The following TPM1 variants were observed in gnomAD, a reference collection of about 807,000 sequenced individuals.
TPM1 encodes the protein tropomyosin alpha-1 chain.
A neutral mutation model predicts 42.9 loss-of-function variants in TPM1; 24 were observed. The observed-to-expected ratio is 0.56, with a 90% CI of 0.41 to 0.79. The LOEUF (loss-of-function observed/expected upper bound fraction) is 0.79, where lower values mean the gene tolerates loss of function less well. Among genes scored for constraint, TPM1 ranks in the 30% least tolerant of loss-of-function variants. The pLI, the probability that TPM1 is intolerant of heterozygous loss-of-function variation, is 0.00. For missense variants in TPM1, 158 were observed against 351.8 expected, an observed-to-expected ratio of 0.45 and a Z score of 4.41; for synonymous variants, 136 against 130.1, an observed-to-expected ratio of 1.05 and a Z score of -0.31.
intron 6 of TPM1, 97 bp from the exon 7 acceptor site, chr15:63,062,118 T>C: frequency 9.2e-7 from 1 of 1,090,232 alleles, no homozygotes; most frequent in Non-Finnish European, 1.4e-6. Flanking sequence ...TAAGAGATCC[T>C]TAACATCTGT....
intron 2 of TPM1, among the ~76,000 whole-genome samples, chr15:63,051,899 T>G (rs949974385): frequency 7.5e-4 from 114 of 151,842 alleles, no homozygotes; most frequent in Non-Finnish European, 1.5e-3. Context: ...AGTTGTTTTT[T>G]TTTTTTTTTT....
intron 2 of TPM1, among the ~76,000 whole-genome samples, chr15:63,051,362 A>G (rs1472568884): frequency 6.6e-6 from 1 of 152,126 alleles, no homozygotes; most frequent in Non-Finnish European, 1.5e-5. Context: ...GTTAACTGGA[A>G]TGTATACTCT....
intron 2 of TPM1, chr15:63,044,661 G>A: frequency 4.5e-6 from 1 of 220,442 alleles, no homozygotes; most frequent in Non-Finnish European, 9.1e-6. Flanking sequence ...TCATGGTGGG[G>A]CACAGAGACA....
chr15:63,063,352 A>G (rs2035901504), intron 8 of TPM1: 1 of 985,468 alleles, frequency 1.0e-6, no homozygotes, highest in Admixed American at 6.1e-5. Context: ...AGAGAATGAC[A>G]AATGGTTGCA....
chr15:63,050,044 C>T (rs1333274172), intron 2 of TPM1, among the ~76,000 whole-genome samples: 2 of 152,350 alleles, frequency 1.3e-5, no homozygotes, highest in Admixed American at 6.5e-5. Flanking sequence ...CTCTGTGTTT[C>T]AGTTCCCTGT....
chr15:63,064,000 C>T lies in TPM1; in HGVS notation c.773-64C>T. 6 of 1,602,098 alleles carry T rather than the reference C, an allele frequency of 3.7e-6. No individual in the cohort carries two copies. The South Asian group carries it at 6.7e-5, about 18-fold the overall frequency. The stretch of plus-strand genomic sequence containing the variant: ...GGATGGTGCGCGCACCACCCTCACT[C>T]ACCCTCCATTTCTTGATCACTCTCC... On this transcript the variant is annotated intron_variant, in intron 8 of 9. Transcript: ENST00000403994.
At chr15:63,055,428 C>T (rs980353443) in intron 2 of TPM1, among the ~76,000 whole-genome samples, 6 of 152,204 alleles carry the variant, frequency 3.9e-5, no homozygotes, top group Non-Finnish European at 8.8e-5. Flanking sequence ...TTCTCAGATT[C>T]CTTTGATTAA....
downstream of TPM1, chr15:63,070,392 A>T: frequency 1.0e-6 from 1 of 996,790 alleles, no homozygotes. Flanking sequence ...TTGAAATATG[A>T]TTAAATGTAC....
chr15:63,048,941 CG>C (rs1479350613), intron 2 of TPM1: 1 of 615,634 alleles, frequency 1.6e-6, no homozygotes, highest in East Asian at 3.2e-5. Context: ...CCAGGGGAAA[CG>C]GGTGGTGTTG....
chr15:63,044,345 C>T (rs2031929267), intron 2 of TPM1, 193 bp downstream of exon 2: 2 of 806,540 alleles, frequency 2.5e-6, no homozygotes, highest in African/African-American at 3.4e-5. Flanking sequence ...TTCATCCACT[C>T]CTCTCTTCTT....
chr15:63,070,074 T>C (rs1214348611), downstream of TPM1: 1 of 1,544,998 alleles, frequency 6.5e-7, no homozygotes, highest in Non-Finnish European at 8.7e-7. Context: ...TGCAAGGAAT[T>C]GGCTGAAAGG....
downstream of TPM1, chr15:63,070,527 A>C: frequency 1.0e-6 from 1 of 994,622 alleles, no homozygotes; most frequent in Non-Finnish European, 1.2e-6. Context: ...CATGCTAATA[A>C]ATAGAACACT....
chr15:63,058,310 T>C (rs2035101113), intron 3 of TPM1, among the ~76,000 whole-genome samples: 1 of 152,080 alleles, frequency 6.6e-6, no homozygotes, highest in Non-Finnish European at 1.5e-5. Context: ...ATGAGAAAAG[T>C]AGGGCTCAGA....
chr15:63,051,022 A>G (rs545967544), intron 2 of TPM1, among the ~76,000 whole-genome samples: 1 of 152,312 alleles, frequency 6.6e-6, no homozygotes, highest in Non-Finnish European at 1.5e-5. Context: ...TGTGTTTCCA[A>G]GGTGTGTGGA....
At chr15:63,047,601 AAAGAG>A (rs2032672190) in intron 2 of TPM1, 2 of 152,354 alleles carry the variant, frequency 1.3e-5, no homozygotes, top group African/African-American at 4.8e-5. Flanking sequence ...AGAAGGCTGT[AAAGAG>A]AAGAGACCAT....
At chr15:63,043,028 C>A in intron 1 of TPM1, 85 bp downstream of exon 1, 2 of 1,254,320 alleles carry the variant, frequency 1.6e-6, no homozygotes, top group East Asian at 2.5e-5. Flanking sequence ...ACCCCGAGGA[C>A]TCGGGGAGCC....
At chr15:63,048,725 C>G (rs2033093358) in intron 2 of TPM1, 1 of 1,532,604 alleles carries the variant, frequency 6.5e-7, no homozygotes, top group African/African-American at 1.4e-5. Flanking sequence ...ATACACCCAT[C>G]ACCCCGCAGC....
downstream of TPM1, chr15:63,071,005 T>C: frequency 6.2e-7 from 1 of 1,601,628 alleles, no homozygotes; most frequent in East Asian, 2.3e-5. Flanking sequence ...GTGTTTGTGA[T>C]TGATGTTTGC....
At chr15:63,055,835 A>G (rs980350836) in intron 2 of TPM1, 24 of 152,240 alleles carry the variant, frequency 1.6e-4, no homozygotes, top group Non-Finnish European at 3.5e-4. Context: ...TGTATAATGG[A>G]CCATCATAGT....
Sources: allele counts gnomAD v4.1 joint callset (sites outside exome capture counted in the v4.1 genomes callset), GRCh38; gene constraint gnomAD v4.1.1; transcripts MANE v1.5; gene names NCBI Gene and HGNC (gene_info 2026-07-23, HGNC 2026-07-21).